Variants in EPS15 observed in about 807,000 individuals in gnomAD.
EPS15 encodes epidermal growth factor receptor substrate 15.
A neutral mutation model predicts 113.8 loss-of-function variants in EPS15; 72 were observed. The observed-to-expected ratio is 0.63, with a 90% confidence interval of 0.52 to 0.77. EPS15 has a LOEUF of 0.77. Among genes scored for constraint, EPS15 ranks in the 30% least tolerant of loss-of-function variants. The probability of loss-of-function intolerance (pLI) is 0.00; values close to 1 mark genes in which losing one functional copy is unlikely to be tolerated. For synonymous variants in EPS15, 344 were observed against 363.4 expected (o/e 0.95, Z 0.61); for missense variants, 1,048 against 1,045.8 (o/e 1.00, Z -0.03).
chr1:51,430,134 T>C (rs962310319), intron 12 of EPS15, among the ~76,000 whole-genome samples: 5 of 152,162 alleles, frequency 3.3e-5, no homozygotes, highest in African/African-American at 4.8e-5. Context: ...AGAAAGGCAA[T>C]AAAACACCCT....
chr1:51,393,028 C>T (rs186910853), intron 21 of EPS15, among the ~76,000 whole-genome samples: 1 of 152,166 alleles, frequency 6.6e-6, no homozygotes, highest in Non-Finnish European at 1.5e-5. Context: ...CTCACTTGCT[C>T]TCATTCTAAG....
intron 1 of EPS15, among the ~76,000 whole-genome samples, chr1:51,492,957 G>C (rs1644261537): frequency 6.6e-6 from 1 of 152,190 alleles, no homozygotes; most frequent in African/African-American, 2.4e-5. Context: ...GCCGGGCGCG[G>C]TGGCTCACGC....
intron 10 of EPS15, among the ~76,000 whole-genome samples, chr1:51,446,294 A>G (rs1332865303): frequency 2.0e-5 from 3 of 152,214 alleles, no homozygotes; most frequent in African/African-American, 4.8e-5. Flanking sequence ...GAAAGTATAC[A>G]TATACACTAT....
At chr1:51,409,441 CCAT>C (rs1317753453) in intron 14 of EPS15, 91 bp downstream of exon 14, 39 of 1,213,344 alleles carry the variant, frequency 3.2e-5, no homozygotes, top group Non-Finnish European at 4.4e-5. Flanking sequence ...CCAACCACCA[CCAT>C]CAATAACAAA....
At chr1:51,402,751 C>T (rs1424337420) in intron 17 of EPS15, among the ~76,000 whole-genome samples, 5 of 151,958 alleles carry the variant, frequency 3.3e-5, no homozygotes, top group African/African-American at 4.8e-5. Flanking sequence ...GGTGAAACCC[C>T]GTCTCTACCA....
At chr1:51,508,374 A>AAGAG (rs1372372859) in intron 1 of EPS15, among the ~76,000 whole-genome samples, 12 of 149,618 alleles carry the variant, frequency 8.0e-5, no homozygotes, top group Non-Finnish European at 1.6e-4. Context: ...GAAAGAAAGA[A>AAGAG]AGAAAGAAAG....
At chr1:51,372,411 G>A (rs1358678037) in intron 21 of EPS15, 1 of 535,104 alleles carries the variant, frequency 1.9e-6, no homozygotes, top group Non-Finnish European at 3.8e-6. Flanking sequence ...AGTACTTGAT[G>A]TATCCAACAG....
intron 12 of EPS15, among the ~76,000 whole-genome samples, chr1:51,428,410 C>G (rs1022396232): frequency 6.6e-6 from 1 of 152,082 alleles, no homozygotes; most frequent in East Asian, 1.9e-4. Flanking sequence ...ATTTAAGAGA[C>G]AAATGCATAA....
At chr1:51,489,329 T>TC (rs1644189616) in intron 1 of EPS15, among the ~76,000 whole-genome samples, 1 of 148,350 alleles carries the variant, frequency 6.7e-6, no homozygotes. Flanking sequence ...GTATGTATTT[T>TC]TTTTTTTTTG....
rs1557537134 is a variant in EPS15 at position 51,508,336 on chromosome 1, G to GAA, written c.33+10862_33+10863insTT. Reference sequence around the variant, plus strand: ...AAAGAGAGAAAGAGAGAAAGAGAAAGAGAGAAAGAAAGAAAGAAAGAAAGA... The same window carrying GAA: ...AAAGAGAGAAAGAGAGAAAGAGAAAGAAAGAGAAAGAAAGAAAGAAAGAAAGA... On this transcript the variant is annotated intron_variant, in intron 1 of 24. Transcript: ENST00000371733. Among the ~76,000 whole-genome samples, 769 of 121,870 alleles carry GAA rather than the reference G, an allele frequency of 6.3e-3. 15 individuals are homozygous for GAA. The highest frequency in any genetic ancestry group is 0.027 in the African/African-American group (730 of 27,228). The allele number at this position is 121,870 out of a possible 152,430, so 80.0% of individuals were successfully genotyped here.
At chr1:51,378,093 C>A (rs1646846289) in intron 21 of EPS15, among the ~76,000 whole-genome samples, 1 of 152,038 alleles carries the variant, frequency 6.6e-6, no homozygotes, top group Non-Finnish European at 1.5e-5. Flanking sequence ...GACGTGGTTT[C>A]ACCATGTTGC....
At chr1:51,512,843 C>CTTTTTTT (rs59750666) in intron 1 of EPS15, among the ~76,000 whole-genome samples, 11 of 118,714 alleles carry the variant, frequency 9.3e-5, no homozygotes, top group South Asian at 7.9e-4. Context: ...TGAGCAATAT[C>CTTTTTTT]TTTTTTTTTT....
At chr1:51,415,219 A>T (rs1176496352) in intron 13 of EPS15, among the ~76,000 whole-genome samples, 2 of 152,216 alleles carry the variant, frequency 1.3e-5, no homozygotes, top group African/African-American at 4.8e-5. Context: ...GGCTTATGTA[A>T]GAGGAAGACA....
At chr1:51,406,284 T>C (rs201485279) in intron 15 of EPS15, among the ~76,000 whole-genome samples, 176 bp from the exon 16 acceptor site, 1 of 152,124 alleles carries the variant, frequency 6.6e-6, no homozygotes, top group East Asian at 1.9e-4. Context: ...AAGACCAGCC[T>C]GAGCAACACG....
intron 16 of EPS15, among the ~76,000 whole-genome samples, chr1:51,405,633 G>C (rs1002680436): frequency 5.3e-5 from 8 of 152,086 alleles, no homozygotes; most frequent in African/African-American, 1.9e-4. Context: ...AGGAGACGGA[G>C]GTTGCAGTAA....
At chr1:51,454,952 C>T (rs1273744572) in intron 8 of EPS15, among the ~76,000 whole-genome samples, 1 of 151,048 alleles carries the variant, frequency 6.6e-6, no homozygotes, top group Non-Finnish European at 1.5e-5. Context: ...AAAAAAAGAG[C>T]ATGACTCTAG....
Position 51,354,654 on chromosome 1 carries a change from G to C in EPS15, c.*2046C>G, listed in dbSNP as rs148521287. 2.1e-4 allele frequency: 39 copies of C among 183,996 alleles called. 1 individual carries two copies. Among genetic ancestry groups the C allele is most frequent in the African/African-American group, 8.0e-4 (34 of 42,594 alleles). 11.4% of individuals were successfully genotyped at this position (183,996 alleles called of 1,614,324 possible). On this transcript the variant is annotated 3_prime_UTR_variant, in exon 25 of 25. Coordinates refer to ENST00000371733, the MANE Select transcript of EPS15 (RefSeq NM_001981.3). Reference sequence around the variant, plus strand: ...GTCAACAACATAAAATACCACAAACGACTCTAAGACATTCATCCTACACAA... The same window carrying C: ...GTCAACAACATAAAATACCACAAACCACTCTAAGACATTCATCCTACACAA...
intron 24 of EPS15, among the ~76,000 whole-genome samples, chr1:51,358,318 G>A (rs1646289975): frequency 6.6e-6 from 1 of 152,084 alleles, no homozygotes; most frequent in African/African-American, 2.4e-5. Flanking sequence ...GCATTATGAA[G>A]ATTTCTCCAG....
chr1:51,508,385 A>AGAGAAAGAAAGAAAGG (rs879419230), intron 1 of EPS15, among the ~76,000 whole-genome samples: 1,669 of 146,370 alleles, frequency 0.011, 16 homozygotes, highest in Middle Eastern at 0.018. Flanking sequence ...AGAAAGAAAG[A>AGAGAAAGAAAGAAAGG]GAAAATTTAA....
Sources: gnomAD v4.1 joint callset for allele counts (sites outside exome capture counted in the v4.1 genomes callset) on GRCh38, gnomAD v4.1.1 for gene constraint, MANE v1.5 for transcripts, NCBI Gene and HGNC (gene_info 2026-07-23, HGNC 2026-07-21) for gene names.